DPP6: variants seen among roughly 807,000 people sequenced by gnomAD.
DPP6 encodes the protein dipeptidyl peptidase like 6.
In DPP6, 69 loss-of-function variants were observed where a neutral mutation model predicts 122.6. The ratio of observed to expected loss-of-function variants is 0.56; its 90% confidence interval spans 0.46 to 0.69. DPP6 has a LOEUF of 0.69. DPP6 is among the 30% of genes least tolerant of loss of function. The pLI is 0.00. For synonymous variants in DPP6, 418 were observed against 433.1 expected, an observed-to-expected ratio of 0.97 and a Z score of 0.43; for missense variants, 928 against 1,116.9, an observed-to-expected ratio of 0.83 and a Z score of 2.41.
intron 4 of DPP6, among the ~76,000 whole-genome samples, chr7:154,556,166 T>G (rs1830027085): frequency 6.6e-6 from 1 of 152,210 alleles, no homozygotes; most frequent in Non-Finnish European, 1.5e-5. Flanking sequence ...GAATACTTAT[T>G]ATGTACCAGG....
At chr7:154,017,727 T>TA (rs61261080) in intron 1 of DPP6, among the ~76,000 whole-genome samples, 5,436 of 109,390 alleles carry the variant, frequency 0.05, 121 homozygotes, top group South Asian at 0.074. Flanking sequence ...AATAAAAAAA[T>TA]AAAAAAAAAA....
chr7:154,015,494 T>C (rs1191799924), intron 1 of DPP6, among the ~76,000 whole-genome samples: 1 of 152,094 alleles, frequency 6.6e-6, no homozygotes, highest in Non-Finnish European at 1.5e-5. Context: ...CACTCTGATG[T>C]CTAACATGTG....
intron 1 of DPP6, among the ~76,000 whole-genome samples, chr7:153,975,690 A>G (rs1385550326): frequency 2.6e-5 from 4 of 152,226 alleles, no homozygotes; most frequent in Admixed American, 2.0e-4. Flanking sequence ...ATGGTAAAAC[A>G]TGAACTGGAA....
the DPP6 span, among the ~76,000 whole-genome samples, chr7:153,783,189 C>T: frequency 5.3e-5 from 8 of 152,096 alleles, no homozygotes; most frequent in African/African-American, 1.4e-4. Context: ...TCTGTTCTCA[C>T]GCTGCTATGA....
chr7:153,862,688 G>T, the DPP6 span, among the ~76,000 whole-genome samples: 1 of 152,218 alleles, frequency 6.6e-6, no homozygotes, highest in South Asian at 2.1e-4. Flanking sequence ...GCCAAGAAAA[G>T]AACAAGCTAG....
At chr7:154,248,235 A>C (rs757640183) in intron 1 of DPP6, among the ~76,000 whole-genome samples, 33 of 152,220 alleles carry the variant, frequency 2.2e-4, no homozygotes, top group Non-Finnish European at 4.6e-4. Flanking sequence ...ACTTTAACCT[A>C]GGAATTTTGA....
chr7:154,069,130 ACGG>A (rs935558925), intron 1 of DPP6, among the ~76,000 whole-genome samples: 2 of 35,726 alleles, frequency 5.6e-5, no homozygotes, highest in South Asian at 1.1e-3. Context: ...AGTGAAGGGC[ACGG>A]CTGGGTCAAG....
rs538372429 is a variant in DPP6, at chr7:154,596,468, G to A, written c.627+29552G>A. Among the ~76,000 whole-genome samples, 14 of 152,322 alleles carry A rather than the reference G, an allele frequency of 9.2e-5. No individual in the cohort carries two copies. The South Asian group carries it at 1.9e-3, about 20-fold the overall frequency. ...CATTAGAGCACAATTTTGAGAAAAC[G>A]TGAAAGGATTTCCACAAGTCTTTAT... On this transcript the variant is annotated intron_variant, in intron 5 of 25. Coordinates refer to ENST00000377770, the MANE Select transcript of DPP6 (RefSeq NM_130797.4).
chr7:154,869,246 G>A (rs1050203329), intron 18 of DPP6, among the ~76,000 whole-genome samples: 6 of 152,148 alleles, frequency 3.9e-5, no homozygotes, highest in South Asian at 4.1e-4. Flanking sequence ...TAGGGTATTC[G>A]CTGGCAGCCC....
chr7:154,302,234 T>G (rs1285694466), intron 1 of DPP6, among the ~76,000 whole-genome samples: 1 of 152,182 alleles, frequency 6.6e-6, no homozygotes, highest in East Asian at 1.9e-4. Context: ...TTTGCCTCCG[T>G]GAGTTTGGCT....
intron 1 of DPP6, among the ~76,000 whole-genome samples, chr7:154,070,777 T>G (rs1169687643): frequency 1.3e-5 from 2 of 152,196 alleles, no homozygotes; most frequent in African/African-American, 4.8e-5. Flanking sequence ...AAACTGTATT[T>G]GTAGTGTTCA....
the DPP6 span, among the ~76,000 whole-genome samples, chr7:153,808,345 A>AAGTGTGTGTGTGGG: frequency 2.0e-4 from 27 of 138,242 alleles, no homozygotes; most frequent in South Asian, 4.7e-3. Flanking sequence ...ATGTGTTTGC[A>AAGTGTGTGTGTGGG]CGTGTGTGTG....
At chr7:154,157,609 T>C (rs1796750423) in intron 1 of DPP6, among the ~76,000 whole-genome samples, 1 of 152,232 alleles carries the variant, frequency 6.6e-6, no homozygotes, top group Non-Finnish European at 1.5e-5. Context: ...AACAACTACT[T>C]TAATATTTCT....
chr7:154,813,175 G>T (rs1799179988), intron 16 of DPP6, among the ~76,000 whole-genome samples: 1 of 151,584 alleles, frequency 6.6e-6, no homozygotes, highest in African/African-American at 2.4e-5. Flanking sequence ...CTGCCTCCTG[G>T]TTTCACGCCA....
chr7:154,867,904 C>A, intron 17 of DPP6, 91 bp from the exon 18 acceptor site: 1 of 1,430,150 alleles, frequency 7.0e-7, no homozygotes. Flanking sequence ...CTGATGAAAG[C>A]AGCAGTTACG....
intron 1 of DPP6, among the ~76,000 whole-genome samples, chr7:154,273,689 C>T (rs1370655459): frequency 6.6e-6 from 1 of 152,114 alleles, no homozygotes; most frequent in Non-Finnish European, 1.5e-5. Flanking sequence ...CAAATGTCTG[C>T]ATTGGTTGTT....
intron 1 of DPP6, among the ~76,000 whole-genome samples, chr7:153,942,326 C>T (rs1162554231): frequency 2.0e-5 from 3 of 152,206 alleles, no homozygotes; most frequent in African/African-American, 7.2e-5. Flanking sequence ...CTGCACACTT[C>T]ACCTGTTGGT....
At chr7:154,733,086 G>A (rs968121710) in intron 8 of DPP6, among the ~76,000 whole-genome samples, 2 of 152,142 alleles carry the variant, frequency 1.3e-5, no homozygotes, top group Non-Finnish European at 2.9e-5. Flanking sequence ...CGGAGCCACC[G>A]TCCTGGTTCC....
intron 16 of DPP6, among the ~76,000 whole-genome samples, chr7:154,813,676 A>G (rs1193045134): frequency 6.6e-6 from 1 of 151,868 alleles, no homozygotes; most frequent in Non-Finnish European, 1.5e-5. Flanking sequence ...GTTTCTGTCC[A>G]CCTCTCTATT....
Sources: allele counts gnomAD v4.1 joint callset (sites outside exome capture counted in the v4.1 genomes callset), GRCh38; gene constraint gnomAD v4.1.1; transcripts MANE v1.5; gene names NCBI Gene and HGNC (gene_info 2026-07-23, HGNC 2026-07-21).